Variants in TTC28 observed in about 807,000 individuals in gnomAD.
TTC28 encodes the protein tetratricopeptide repeat domain 28, also known as tetratricopeptide repeat protein 28.
Under a neutral mutation model 198.0 loss-of-function variants are expected in TTC28, and 61 were observed. That is an observed-to-expected ratio of 0.31 (90% CI 0.25 to 0.38). TTC28 has a LOEUF of 0.38. TTC28 is among the 10% of genes least tolerant of loss of function. The pLI is 1.00. For synonymous variants in TTC28, 1,171 were observed against 1,297.8 expected, an observed-to-expected ratio of 0.90 and a Z score of 2.10; for missense variants, 2,678 against 3,164.0, an observed-to-expected ratio of 0.85 and a Z score of 3.69.
rs1381199401 is a variant in TTC28, at chr22:28,630,925, A to G, written c.103-1095T>C. Among the ~76,000 whole-genome samples, 4 of 152,368 alleles carry G rather than the reference A, an allele frequency of 2.6e-5. No homozygotes were observed. In the East Asian group the frequency reaches 7.7e-4, roughly 29 times the overall value. ...TAAAATACAAACATATATGGACACT[A>G]TAATCTCAACTATGTTAAGACAATT... On this transcript the variant is annotated intron_variant, in intron 1 of 22. Transcript: ENST00000397906.
chr22:28,630,141 G>C (rs988338920), intron 1 of TTC28, among the ~76,000 whole-genome samples: 5 of 152,098 alleles, frequency 3.3e-5, no homozygotes, highest in Non-Finnish European at 5.9e-5. Flanking sequence ...GCACAAGCCA[G>C]CTCCCCTTTG....
intron 2 of TTC28, among the ~76,000 whole-genome samples, chr22:28,382,392 G>A (rs1223694602): frequency 6.6e-6 from 1 of 151,888 alleles, no homozygotes; most frequent in Non-Finnish European, 1.5e-5. Flanking sequence ...GTATTCCCTG[G>A]GCCTCAAAGC....
chr22:28,567,556 A>G (rs2049999815), intron 2 of TTC28, among the ~76,000 whole-genome samples: 1 of 143,388 alleles, frequency 7.0e-6, no homozygotes, highest in African/African-American at 2.6e-5. Context: ...TGCAATTGAA[A>G]AAAAGGCAAC....
intron 2 of TTC28, among the ~76,000 whole-genome samples, chr22:28,316,809 C>T (rs1006669076): frequency 6.6e-6 from 1 of 152,062 alleles, no homozygotes; most frequent in African/African-American, 2.4e-5. Context: ...CTCTGTTATC[C>T]AGGCTGGAAC....
intron 6 of TTC28, among the ~76,000 whole-genome samples, chr22:28,140,760 C>T (rs912763349): frequency 1.3e-5 from 2 of 152,200 alleles, no homozygotes; most frequent in Non-Finnish European, 2.9e-5. Flanking sequence ...AACTCTCTTA[C>T]ATATTTATTT....
intron 14 of TTC28, among the ~76,000 whole-genome samples, chr22:28,009,859 C>A (rs1364100082): frequency 6.6e-6 from 1 of 152,236 alleles, no homozygotes; most frequent in Non-Finnish European, 1.5e-5. Flanking sequence ...TAATTAGACT[C>A]CAACTTTTCA....
intron 5 of TTC28, among the ~76,000 whole-genome samples, chr22:28,190,920 T>G (rs1361138193): frequency 1.3e-5 from 2 of 152,182 alleles, no homozygotes; most frequent in Non-Finnish European, 1.5e-5. Flanking sequence ...CATTCTTCTA[T>G]TCTACTAATA....
At chr22:27,989,209 G>T (rs1053676209) in intron 21 of TTC28, among the ~76,000 whole-genome samples, 3 of 150,692 alleles carry the variant, frequency 2.0e-5, no homozygotes, top group African/African-American at 7.4e-5. Flanking sequence ...CGAGTGTCCT[G>T]CACTGACTGA....
intron 2 of TTC28, among the ~76,000 whole-genome samples, chr22:28,621,557 A>C (rs2146185762): frequency 6.6e-6 from 1 of 151,420 alleles, no homozygotes; most frequent in South Asian, 2.1e-4. Flanking sequence ...ACTAAAAAAA[A>C]ATAATAATAA....
chr22:28,056,807 C>T (rs1940308049), intron 12 of TTC28, among the ~76,000 whole-genome samples: 1 of 152,180 alleles, frequency 6.6e-6, no homozygotes, highest in African/African-American at 2.4e-5. Flanking sequence ...ATTTTTACCC[C>T]AGCCCTGGAG....
chr22:28,290,173 T>A (rs1315059866), intron 5 of TTC28, among the ~76,000 whole-genome samples: 1 of 152,172 alleles, frequency 6.6e-6, no homozygotes, highest in Non-Finnish European at 1.5e-5. Flanking sequence ...AGTTTAGTAT[T>A]CTTCCCACGC....
intron 5 of TTC28, among the ~76,000 whole-genome samples, chr22:28,177,559 T>C (rs1236442255): frequency 6.6e-6 from 1 of 152,208 alleles, no homozygotes; most frequent in Non-Finnish European, 1.5e-5. Flanking sequence ...TGCATGACTG[T>C]TTATAACAGT....
intron 2 of TTC28, among the ~76,000 whole-genome samples, chr22:28,349,518 C>G (rs2045960913): frequency 6.6e-6 from 1 of 152,152 alleles, no homozygotes. Context: ...AGAGCAAACT[C>G]TCTCAGACTG....
intron 2 of TTC28, among the ~76,000 whole-genome samples, chr22:28,625,204 A>G (rs2051059916): frequency 6.6e-6 from 1 of 152,172 alleles, no homozygotes; most frequent in African/African-American, 2.4e-5. Context: ...TAACCAGCGC[A>G]ATAGAGCAAA....
intron 12 of TTC28, among the ~76,000 whole-genome samples, chr22:28,063,660 TCCA>T (rs1360474103): frequency 6.6e-6 from 1 of 152,192 alleles, no homozygotes; most frequent in East Asian, 1.9e-4. Flanking sequence ...ATGGCATGTA[TCCA>T]CCACATTTTA....
intron 8 of TTC28, among the ~76,000 whole-genome samples, chr22:28,101,782 T>TA (rs11459818): frequency 0.012 from 624 of 53,164 alleles, 27 homozygotes; most frequent in Middle Eastern, 0.036. Flanking sequence ...CCATCTCTGT[T>TA]AAAAAAAAAA....
chr22:28,132,316 C>T (rs983460891), intron 6 of TTC28, among the ~76,000 whole-genome samples: 6 of 152,192 alleles, frequency 3.9e-5, no homozygotes, highest in Admixed American at 1.3e-4. Flanking sequence ...AATGGAGAGA[C>T]ACATTTATCA....
chr22:28,347,332 C>G (rs543831858), intron 2 of TTC28, among the ~76,000 whole-genome samples: 1 of 151,834 alleles, frequency 6.6e-6, no homozygotes, highest in African/African-American at 2.4e-5. Flanking sequence ...GCCCTTTTCT[C>G]CTCAACATAT....
chr22:28,494,484 G>C (rs190299689), intron 2 of TTC28, among the ~76,000 whole-genome samples: 1 of 152,238 alleles, frequency 6.6e-6, no homozygotes, highest in Non-Finnish European at 1.5e-5. Context: ...CCCCTCACTA[G>C]AGACTTTCCA....
Sources: allele counts gnomAD v4.1 joint callset (sites outside exome capture counted in the v4.1 genomes callset), GRCh38; gene constraint gnomAD v4.1.1; transcripts MANE v1.5; gene names NCBI Gene and HGNC (gene_info 2026-07-23, HGNC 2026-07-21).